Variants in PLPPR1 observed in about 807,000 individuals in gnomAD.
The protein encoded by PLPPR1 is phospholipid phosphatase related 1.
Under a neutral mutation model 33.1 loss-of-function variants are expected in PLPPR1, and 10 were observed. The ratio of observed to expected loss-of-function variants is 0.30; its 90% CI spans 0.19 to 0.51. The LOEUF (loss-of-function observed/expected upper bound fraction) is 0.51. Ranked by LOEUF, PLPPR1 falls within the 20% of genes least tolerant of loss-of-function variation. PLPPR1 has a pLI of 0.97. For synonymous variants in PLPPR1, 151 were observed against 151.0 expected, an observed-to-expected ratio of 1.00 and a Z score of 0.00; for missense variants, 304 against 408.1, an observed-to-expected ratio of 0.74 and a Z score of 2.20.
At chr9:101,176,500 T>C (rs1826021478) in intron 1 of PLPPR1, among the ~76,000 whole-genome samples, 1 of 152,234 alleles carries the variant, frequency 6.6e-6, no homozygotes, top group African/African-American at 2.4e-5. Flanking sequence ...TTACGACAAA[T>C]AACAATGCCA....
chr9:101,170,449 A>G (rs944859530), intron 1 of PLPPR1, among the ~76,000 whole-genome samples: 1 of 152,166 alleles, frequency 6.6e-6, no homozygotes, highest in Non-Finnish European at 1.5e-5. Context: ...AGATCTCATG[A>G]GAAAGAACCC....
At chr9:101,252,112 C>T (rs1259743566) in intron 2 of PLPPR1, among the ~76,000 whole-genome samples, 3 of 152,082 alleles carry the variant, frequency 2.0e-5, no homozygotes, top group African/African-American at 7.2e-5. Context: ...CATCATATGC[C>T]ATCCAATATG....
intron 2 of PLPPR1, among the ~76,000 whole-genome samples, chr9:101,218,643 T>C (rs952070928): frequency 1.3e-5 from 2 of 152,218 alleles, no homozygotes; most frequent in Non-Finnish European, 2.9e-5. Context: ...ATTACTATTT[T>C]TATTAGCAAA....
At chr9:101,057,403 T>A (rs1332038280) in intron 1 of PLPPR1, among the ~76,000 whole-genome samples, 2 of 152,192 alleles carry the variant, frequency 1.3e-5, no homozygotes, top group African/African-American at 4.8e-5. Flanking sequence ...AAAAGTGGAT[T>A]ATTTCTCTAA....
At chr9:101,297,960 C>A (rs934759692) in intron 4 of PLPPR1, among the ~76,000 whole-genome samples, 2 of 152,132 alleles carry the variant, frequency 1.3e-5, no homozygotes, top group African/African-American at 4.8e-5. Flanking sequence ...AAGTTCAGTT[C>A]AGTTCTGCTC....
At chr9:101,246,107 T>TAG (rs1564015131) in intron 2 of PLPPR1, among the ~76,000 whole-genome samples, 26 of 98,156 alleles carry the variant, frequency 2.6e-4, no homozygotes, top group Admixed American at 4.4e-4. Flanking sequence ...TATATATATA[T>TAG]ATAGATAGAT....
chr9:101,307,450 G>T (rs1219250694), intron 4 of PLPPR1, among the ~76,000 whole-genome samples: 1 of 152,150 alleles, frequency 6.6e-6, no homozygotes, highest in East Asian at 1.9e-4. Flanking sequence ...AAATCTTGCT[G>T]GAAGATGTAG....
intron 1 of PLPPR1, among the ~76,000 whole-genome samples, chr9:101,130,821 A>G (rs1831305622): frequency 6.6e-6 from 1 of 152,204 alleles, no homozygotes. Context: ...ATCAGGTGCA[A>G]AGAGAGATTT....
intron 1 of PLPPR1, among the ~76,000 whole-genome samples, chr9:101,161,875 A>C (rs1291744106): frequency 6.6e-6 from 1 of 152,114 alleles, no homozygotes; most frequent in African/African-American, 2.4e-5. Flanking sequence ...TTTAATTCAT[A>C]GCATTCATTT....
At chr9:101,298,134 CTT>C (rs1224257941) in intron 4 of PLPPR1, among the ~76,000 whole-genome samples, 1 of 152,078 alleles carries the variant, frequency 6.6e-6, no homozygotes, top group Non-Finnish European at 1.5e-5. Context: ...TGAATAGTTG[CTT>C]TGAGTTAATT....
intron 1 of PLPPR1, among the ~76,000 whole-genome samples, chr9:101,142,073 C>T (rs1001960443): frequency 1.3e-5 from 2 of 152,190 alleles, no homozygotes; most frequent in African/African-American, 4.8e-5. Context: ...CCAAATCTAT[C>T]TGATCATCTC....
chr9:101,174,668 T>C (rs1197894621), intron 1 of PLPPR1, among the ~76,000 whole-genome samples: 1 of 152,204 alleles, frequency 6.6e-6, no homozygotes, highest in Non-Finnish European at 1.5e-5. Flanking sequence ...TGGGTAATTA[T>C]TTTTATTTGT....
intron 6 of PLPPR1, among the ~76,000 whole-genome samples, chr9:101,316,417 A>G (rs1829050558): frequency 6.6e-6 from 1 of 151,898 alleles, no homozygotes; most frequent in Non-Finnish European, 1.5e-5. Flanking sequence ...AGCCTGGGTG[A>G]CAGAGTGAGA....
chr9:101,231,120 G>A (rs1827175475), intron 2 of PLPPR1, among the ~76,000 whole-genome samples: 2 of 151,946 alleles, frequency 1.3e-5, no homozygotes, highest in South Asian at 4.1e-4. Context: ...CCATTTAGCA[G>A]CAGAAGAGGG....
intron 3 of PLPPR1, among the ~76,000 whole-genome samples, chr9:101,278,511 A>C (rs1441759628): frequency 6.6e-6 from 1 of 152,138 alleles, no homozygotes; most frequent in Non-Finnish European, 1.5e-5. Flanking sequence ...AGAAAGGAGA[A>C]TTTTACATTA....
intron 1 of PLPPR1, among the ~76,000 whole-genome samples, chr9:101,143,833 A>G (rs1012875896): frequency 2.6e-5 from 4 of 152,144 alleles, no homozygotes; most frequent in East Asian, 1.9e-4. Context: ...CTGTTGGTGG[A>G]ACTGTAAACT....
intron 4 of PLPPR1, among the ~76,000 whole-genome samples, chr9:101,304,876 G>A (rs186771144): frequency 1.3e-5 from 2 of 152,242 alleles, no homozygotes; most frequent in Admixed American, 6.5e-5. Flanking sequence ...CAGCAGCCAC[G>A]CTCTCCAGAA....
intron 1 of PLPPR1, among the ~76,000 whole-genome samples, chr9:101,098,208 A>C (rs1435748523): frequency 6.6e-6 from 1 of 152,192 alleles, no homozygotes; most frequent in Non-Finnish European, 1.5e-5. Context: ...GTCTTAAATT[A>C]TAGCAAAAGC....
intron 2 of PLPPR1, among the ~76,000 whole-genome samples, chr9:101,267,341 A>G (rs868031908): frequency 5.9e-5 from 9 of 152,222 alleles, no homozygotes; most frequent in Admixed American, 1.3e-4. Context: ...TTCAGGAAAC[A>G]TATTTATCCA....
Sources: gnomAD v4.1 joint callset for allele counts (sites outside exome capture counted in the v4.1 genomes callset) on GRCh38, gnomAD v4.1.1 for gene constraint, MANE v1.5 for transcripts, NCBI Gene and HGNC (gene_info 2026-07-23, HGNC 2026-07-21) for gene names.